ITGB3BP: variants seen among roughly 807,000 people sequenced by gnomAD.
ITGB3BP encodes centromere protein R.
A neutral mutation model predicts 29.1 loss-of-function variants in ITGB3BP; 27 were observed. The observed-to-expected ratio is 0.93, with a 90% confidence interval of 0.68 to 1.28. The LOEUF is 1.28. Among genes scored for constraint, ITGB3BP ranks in the 50% most tolerant of loss-of-function variants. The probability of loss-of-function intolerance (pLI) is 0.00; values close to 1 mark genes in which losing one functional copy is unlikely to be tolerated. For synonymous variants in ITGB3BP, 61 were observed against 61.4 expected (o/e 0.99, Z 0.03); for missense variants, 192 against 200.2 (o/e 0.96, Z 0.25).
intron 2 of ITGB3BP, among the ~76,000 whole-genome samples, chr1:63,493,564 T>C (rs1360678713): frequency 1.3e-5 from 2 of 152,186 alleles, no homozygotes; most frequent in East Asian, 3.8e-4. Context: ...AATGCTACTG[T>C]ACTTTTTATA....
chr1:63,521,014 A>G, intron 1 of ITGB3BP, among the ~76,000 whole-genome samples: 1 of 152,096 alleles, frequency 6.6e-6, no homozygotes, highest in South Asian at 2.1e-4. Context: ...TTTTAGATTC[A>G]TTTGGACCAT....
intron 1 of ITGB3BP, among the ~76,000 whole-genome samples, chr1:63,510,686 C>T (rs557754504): frequency 6.6e-6 from 1 of 152,246 alleles, no homozygotes; most frequent in African/African-American, 2.4e-5. Context: ...TGCAACTTGC[C>T]TATTGTCACA....
intron 3 of ITGB3BP, among the ~76,000 whole-genome samples, chr1:63,483,309 T>G (rs1477252690): frequency 2.0e-5 from 3 of 152,200 alleles, no homozygotes; most frequent in African/African-American, 4.8e-5. Flanking sequence ...GATCTACATT[T>G]TACAGGTAAG....
At position 63,454,291 on chromosome 1, in the gene ITGB3BP, AT is replaced by A. The variant is rs1246330769; in HGVS notation, c.427+88del. 2 of 599,854 alleles carry A rather than the reference AT, an allele frequency of 3.3e-6. No homozygotes were observed. Among genetic ancestry groups the A allele is most frequent in the East Asian group, 5.9e-5 (2 of 34,012 alleles). The allele number at this position is 599,854 out of a possible 1,614,324, so 37.2% of individuals were successfully genotyped here. ...TTTTTATCACATGTCCAGTAATGGT[AT>A]ATATAAAGAAGTCTATCAAATGTAA... On this transcript the variant is annotated intron_variant, in intron 6 of 8. Transcript: ENST00000271002. This position sits in a 1 kb window ranked among gnomAD's most constrained non-coding sequence, Gnocchi z 4.1.
chr1:63,465,290 T>C (rs1186139710), intron 4 of ITGB3BP, among the ~76,000 whole-genome samples: 1 of 152,182 alleles, frequency 6.6e-6, no homozygotes, highest in Non-Finnish European at 1.5e-5. Flanking sequence ...GGGGGAGTGT[T>C]CAGGAATTCT....
intron 2 of ITGB3BP, among the ~76,000 whole-genome samples, chr1:63,501,161 G>A: frequency 6.6e-6 from 1 of 152,128 alleles, no homozygotes. Context: ...AATGAATCCA[G>A]TCCCTACCTT....
chr1:63,491,081 C>T (rs1358227667), intron 2 of ITGB3BP, among the ~76,000 whole-genome samples: 1 of 151,492 alleles, frequency 6.6e-6, no homozygotes, highest in Non-Finnish European at 1.5e-5. Context: ...ATTTTGTGAT[C>T]TCAGCTTGGA....
chr1:63,461,067 G>A (rs1286349800), intron 4 of ITGB3BP, among the ~76,000 whole-genome samples: 1 of 137,880 alleles, frequency 7.3e-6, no homozygotes, highest in African/African-American at 2.7e-5. Flanking sequence ...GTGAAACCCC[G>A]TCTCTACTAA....
chr1:63,491,429 C>A (rs919828385), intron 2 of ITGB3BP, among the ~76,000 whole-genome samples: 2 of 152,082 alleles, frequency 1.3e-5, no homozygotes, highest in African/African-American at 2.4e-5. Flanking sequence ...CAGAAAAAGG[C>A]ATGAGAAATC....
chr1:63,473,901 A>G (rs1363723570), intron 4 of ITGB3BP, among the ~76,000 whole-genome samples: 26 of 13,398 alleles, frequency 1.9e-3, no homozygotes, highest in East Asian at 3.6e-3. Flanking sequence ...CCGGCCAGCC[A>G]CCCCGTCCGG....
chr1:63,479,944 C>G (rs986085822), intron 3 of ITGB3BP, among the ~76,000 whole-genome samples: 2 of 151,942 alleles, frequency 1.3e-5, no homozygotes, highest in Non-Finnish European at 2.9e-5. Context: ...GATTTAATAT[C>G]CTTTGAATAT....
upstream of ITGB3BP, among the ~76,000 whole-genome samples, chr1:63,526,634 T>C (rs181687664): frequency 3.9e-5 from 6 of 152,338 alleles, no homozygotes; most frequent in Admixed American, 2.0e-4. Flanking sequence ...TAAATGCAAA[T>C]GCACATGACT....
upstream of ITGB3BP, among the ~76,000 whole-genome samples, chr1:63,524,971 A>G (rs1646559266): frequency 6.6e-6 from 1 of 152,176 alleles, no homozygotes; most frequent in Admixed American, 6.5e-5. Flanking sequence ...AAATATAGCT[A>G]TTTGAAATGT....
upstream of ITGB3BP, among the ~76,000 whole-genome samples, chr1:63,524,283 CA>C (rs1363345355): frequency 6.6e-6 from 1 of 152,218 alleles, no homozygotes; most frequent in African/African-American, 2.4e-5. Context: ...TGCATGCACA[CA>C]TATGTGTTTA....
intron 3 of ITGB3BP, among the ~76,000 whole-genome samples, chr1:63,484,940 TTCTC>T (rs767479046): frequency 3.3e-5 from 5 of 152,162 alleles, no homozygotes; most frequent in African/African-American, 7.2e-5. Context: ...TGGTGAATCT[TTCTC>T]TATCTCTTAT....
intron 1 of ITGB3BP, among the ~76,000 whole-genome samples, chr1:63,513,576 G>A (rs1198433913): frequency 1.3e-5 from 2 of 152,006 alleles, no homozygotes; most frequent in African/African-American, 2.4e-5. Flanking sequence ...TGTTACTTAC[G>A]TCATCGCTTA....
chr1:63,475,546 C>T (rs1178750676), intron 4 of ITGB3BP, among the ~76,000 whole-genome samples: 1 of 152,046 alleles, frequency 6.6e-6, no homozygotes, highest in African/African-American at 2.4e-5. Flanking sequence ...CAGAGCATGA[C>T]TCTGTTTCTT....
At chr1:63,473,229 C>T (rs1227479658) in intron 4 of ITGB3BP, among the ~76,000 whole-genome samples, 1 of 151,492 alleles carries the variant, frequency 6.6e-6, no homozygotes, top group Non-Finnish European at 1.5e-5. Context: ...TGAGGAAACC[C>T]TCTGCCTGGC....
chr1:63,497,075 G>GT (rs937222535), intron 2 of ITGB3BP, among the ~76,000 whole-genome samples: 3 of 152,226 alleles, frequency 2.0e-5, no homozygotes, highest in South Asian at 2.1e-4. Flanking sequence ...GTAAGCATAG[G>GT]TTTTTTAAAT....
Sources: allele counts gnomAD v4.1 joint callset (sites outside exome capture counted in the v4.1 genomes callset), GRCh38; gene constraint gnomAD v4.1.1; non-coding constraint Gnocchi (gnomAD v3.1); transcripts MANE v1.5; gene names NCBI Gene and HGNC (gene_info 2026-07-23, HGNC 2026-07-21).